The following HEATR1 variants were observed in gnomAD, a reference collection of about 807,000 sequenced individuals.
HEATR1 encodes the protein HEAT repeat-containing protein 1.
Under a neutral mutation model 248.2 loss-of-function variants are expected in HEATR1, and 77 were observed. The ratio of observed to expected loss-of-function variants is 0.31; its 90% confidence interval spans 0.26 to 0.37. HEATR1 has a LOEUF of 0.37. Ranked by LOEUF, HEATR1 falls within the 10% of genes least tolerant of loss-of-function variation. HEATR1 has a pLI of 1.00. For missense variants in HEATR1, 2,420 were observed against 2,504.9 expected (o/e 0.97, Z 0.72); for synonymous variants, 897 against 923.1 (o/e 0.97, Z 0.51).
chr1:236,554,123 G>T (rs998094865), intron 42 of HEATR1, among the ~76,000 whole-genome samples: 5 of 152,202 alleles, frequency 3.3e-5, no homozygotes, highest in African/African-American at 1.2e-4. Flanking sequence ...CAGGCATGGT[G>T]GCTCACGCCT....
intron 3 of HEATR1, 52 bp from the exon 4 acceptor site, chr1:236,599,676 A>T: frequency 6.6e-7 from 1 of 1,520,002 alleles, no homozygotes; most frequent in South Asian, 1.2e-5. Context: ...AATAATAAGC[A>T]CCTATTTCCT....
At chr1:236,585,986 C>G (rs1431598585) in intron 15 of HEATR1, 45 bp from the exon 16 acceptor site, 1 of 1,603,300 alleles carries the variant, frequency 6.2e-7, no homozygotes, top group Non-Finnish European at 8.5e-7. Flanking sequence ...GTCACCAACA[C>G]TCAAAGAATC....
Position 236,599,467 on chromosome 1 carries a change from C to T in HEATR1, c.501+16G>A. The T allele has an allele frequency of 6.2e-7, 1 of 1,605,888 alleles. No homozygotes were observed. Among genetic ancestry groups the T allele is most frequent in the Non-Finnish European group, 8.5e-7 (1 of 1,175,394 alleles). On this transcript the variant is annotated intron_variant, in intron 4 of 44. Transcript: ENST00000366582. ...ATCTGTAATGATTACAGACATATGT[C>T]ATTCAGCAATTATACCTTAACTGGC... is the stretch of plus-strand genomic sequence containing the variant.
rs767450820 is a variant in HEATR1 at position 236,585,175 on chromosome 1, G to C, written c.2091C>G (p.Asn697Lys). 6.2e-7 allele frequency: 1 copy of C among 1,613,842 alleles called. No individual in the cohort carries two copies. Among genetic ancestry groups the C allele is most frequent in the South Asian group, 1.1e-5 (1 of 91,026 alleles). Residue 697 changes from asparagine to lysine, a missense_variant, in exon 17 of 45, where the codon AAC (asparagine) becomes AAG (lysine). By Grantham distance (94) the Asn-to-Lys change is moderately conservative. Coordinates refer to ENST00000366582, the MANE Select transcript of HEATR1 (RefSeq NM_018072.6). The stretch of plus-strand genomic sequence containing the variant: ...CATGAAACGTTACTTTCTGCTTCAG[G>C]TTAAAGGACTCCTCCTCACCCACGC... Reference protein sequence around the residue: ...LISVGEEESFNLKQKVTFHVI... With the variant: ...LISVGEEESFKLKQKVTFHVI...
chr1:236,570,089 C>A (rs1004964229), intron 28 of HEATR1, among the ~76,000 whole-genome samples: 3 of 152,040 alleles, frequency 2.0e-5, no homozygotes, highest in Admixed American at 6.5e-5. Flanking sequence ...GAGATCGAGA[C>A]CATCCTGGCT....
chr1:236,551,756 A>G (rs1662756452), intron 44 of HEATR1: 2 of 428,282 alleles, frequency 4.7e-6, no homozygotes, highest in Non-Finnish European at 4.2e-6. Flanking sequence ...GATCGTGAAG[A>G]TTACACTGTA....
chr1:236,579,043 T>C (rs1663639281), intron 20 of HEATR1, among the ~76,000 whole-genome samples: 1 of 152,198 alleles, frequency 6.6e-6, no homozygotes, highest in South Asian at 2.1e-4. Flanking sequence ...ATTTCTGAAA[T>C]ACTAAGATAA....
rs757562547 is a variant in HEATR1, at chr1:236,564,561, A to G, written c.4536T>C (p.His1512=). The part of the protein sequence containing the change: ...VETHTSKQLR[H]FKFLSVSFMS... The stretch of plus-strand genomic sequence containing the variant: ...TGAAGGACACTGACAAAAATTTAAA[A>G]TGCCGCAGTTGCTTGCTAGTGTGAG... Residue 1512 remains histidine (H), a synonymous_variant, in exon 32 of 45, where the codon CAT becomes CAC. Coordinates refer to ENST00000366582, the MANE Select transcript of HEATR1 (RefSeq NM_018072.6). 1.9e-6 allele frequency: 3 copies of G among 1,614,058 alleles called. No individual in the cohort carries two copies. The highest frequency in any genetic ancestry group is 3.3e-5 in the Admixed American group (2 of 60,028).
chr1:236,554,819 A>T, intron 41 of HEATR1, 67 bp from the exon 42 acceptor site: 1 of 1,335,920 alleles, frequency 7.5e-7, no homozygotes, highest in South Asian at 1.3e-5. Context: ...CAATGTTTAC[A>T]TTGAAATCAC....
rs1222164898 is a variant in HEATR1, at chr1:236,603,292, G to C, written c.227C>G (p.Thr76Ser). 6.2e-7 allele frequency: 1 copy of C among 1,614,122 alleles called. No individual in the cohort carries two copies. Among genetic ancestry groups the C allele is most frequent in the Admixed American group, 1.7e-5 (1 of 60,018 alleles). The change falls in exon 3 of 45, where the codon ACC (threonine) becomes AGC (serine). Residue 76 changes from threonine to serine, a missense_variant. By Grantham distance (58) the Thr-to-Ser change is moderately conservative (BLOSUM62 1). Coordinates refer to ENST00000366582, the MANE Select transcript of HEATR1 (RefSeq NM_018072.6). The part of the protein sequence containing the change: ...EAPLFSQLAK[T>S]LERSVQTKAV... The stretch of plus-strand genomic sequence containing the variant: ...TTTGGTCTGAACACTTCGCTCCAAG[G>C]TTTTTGCTAGCTGACTGAACAACGG...
intron 20 of HEATR1, among the ~76,000 whole-genome samples, chr1:236,579,403 G>A (rs1227569984): frequency 6.6e-6 from 1 of 152,190 alleles, no homozygotes; most frequent in Non-Finnish European, 1.5e-5. Flanking sequence ...AGAGGCCACT[G>A]TCAAAGGACA....
Position 236,558,457 on chromosome 1 carries a change from C to G in HEATR1, c.4984G>C (p.Glu1662Gln), listed in dbSNP as rs1487670668. The G allele has an allele frequency of 6.2e-7, 1 of 1,614,208 alleles. No individual in the cohort carries two copies. Among genetic ancestry groups the G allele is most frequent in the South Asian group, 1.1e-5 (1 of 91,090 alleles). Reference protein sequence around the residue: ...VQRKKKEGEEEQAINRQTALY... With the variant: ...VQRKKKEGEEQQAINRQTALY... ...GCTGTCTGTCTGTTGATTGCTTGTT[C>G]TTCTTCCCCTTCCTTTTTCTTACGC... Residue 1662 changes from glutamate (E) to glutamine (Q), a missense_variant, in exon 36 of 45, where the codon GAA becomes CAA. Transcript: ENST00000366582.
chr1:236,556,045 C>T (rs2103124369), intron 38 of HEATR1, 55 bp downstream of exon 38: 2 of 1,607,994 alleles, frequency 1.2e-6, no homozygotes, highest in Non-Finnish European at 8.5e-7. Context: ...AAAGTTTACA[C>T]ATTGCAGTAC....
intron 9 of HEATR1, among the ~76,000 whole-genome samples, chr1:236,593,568 G>C (rs1418240896): frequency 1.7e-5 from 2 of 120,888 alleles, no homozygotes; most frequent in Non-Finnish European, 3.2e-5. Flanking sequence ...TCACTGTATC[G>C]AGTTGCCCAT....
intron 29 of HEATR1, among the ~76,000 whole-genome samples, chr1:236,568,197 C>T (rs1434091484): frequency 6.6e-6 from 1 of 152,212 alleles, no homozygotes; most frequent in Non-Finnish European, 1.5e-5. Flanking sequence ...TCTGGTCATC[C>T]TGGCCCATAT....
At chr1:236,590,799 CTCA>C (rs985364377) in intron 12 of HEATR1, 45 bp downstream of exon 12, 2 of 936,452 alleles carry the variant, frequency 2.1e-6, no homozygotes, top group Non-Finnish European at 3.1e-6. Flanking sequence ...AATTACACTG[CTCA>C]TCATAAGAAA....
chr1:236,597,919 A>G lies in HEATR1; in HGVS notation c.562T>C (p.Phe188Leu), dbSNP rs781728054. The change falls in exon 5 of 45, where the codon TTC becomes CTC. Residue 188 changes from phenylalanine to leucine, a missense_variant. Transcript: ENST00000366582. Reference protein sequence around the residue: ...LITHCYKDLGFMDFICSLVTK... With the variant: ...LITHCYKDLGLMDFICSLVTK... ...ACCAAACTGCAAATGAAATCCATGA[A>G]TCCAAGATCTTTGTAGCAGTGGGTA... The G allele has an allele frequency of 2.5e-6, 4 of 1,613,916 alleles. No individual in the cohort carries two copies. Among genetic ancestry groups the G allele is most frequent in the Non-Finnish European group, 3.4e-6 (4 of 1,179,884 alleles).
intron 18 of HEATR1, 36 bp from the exon 19 acceptor site, chr1:236,582,908 C>G: frequency 6.2e-7 from 1 of 1,610,768 alleles, no homozygotes; most frequent in Non-Finnish European, 8.5e-7. Context: ...ATGCTAGATC[C>G]TACATGAACA....
At chr1:236,568,273 A>G (rs767579445) in intron 29 of HEATR1, among the ~76,000 whole-genome samples, 3 of 152,198 alleles carry the variant, frequency 2.0e-5, no homozygotes, top group Non-Finnish European at 2.9e-5. Context: ...ATATGAATGC[A>G]TATTATTATT....
Sources: allele counts gnomAD v4.1 joint callset (sites outside exome capture counted in the v4.1 genomes callset), GRCh38; gene constraint gnomAD v4.1.1; transcripts MANE v1.5; gene names NCBI Gene and HGNC (gene_info 2026-07-23, HGNC 2026-07-21).